Variants in NRXN3 observed in about 807,000 individuals in gnomAD.
NRXN3 encodes the protein neurexin III.
NRXN3 carries 32 observed loss-of-function variants against 137.6 expected under a neutral mutation model. The ratio of observed to expected loss-of-function variants is 0.23; its 90% confidence interval spans 0.18 to 0.31. The LOEUF (loss-of-function observed/expected upper bound fraction) is 0.31. Ranked by LOEUF, NRXN3 falls within the 10% of genes least tolerant of loss-of-function variation. NRXN3 has a pLI of 1.00. For missense variants in NRXN3, 1,574 were observed against 2,062.5 expected, an observed-to-expected ratio of 0.76 and a Z score of 4.59; for synonymous variants, 798 against 784.5, an observed-to-expected ratio of 1.02 and a Z score of -0.29.
intron 4 of NRXN3, among the ~76,000 whole-genome samples, chr14:78,409,407 A>G (rs1279314177): frequency 7.9e-5 from 12 of 152,234 alleles, no homozygotes; most frequent in Non-Finnish European, 1.5e-4. Context: ...GAGAGCAGAG[A>G]GAAAAGAGGC....
chr14:79,249,579 G>A (rs377232557), intron 15 of NRXN3, among the ~76,000 whole-genome samples: 186 of 152,288 alleles, frequency 1.2e-3, no homozygotes, highest in African/African-American at 4.4e-3. Flanking sequence ...AGGCAACTCG[G>A]TTATCACTTT....
At chr14:78,591,859 T>C (rs2097120694) in intron 4 of NRXN3, among the ~76,000 whole-genome samples, 1 of 152,182 alleles carries the variant, frequency 6.6e-6, no homozygotes, top group African/African-American at 2.4e-5. Context: ...GGTTCAGAAA[T>C]AGCTTCCCCT....
At chr14:78,266,973 G>A (rs2071855872) in intron 2 of NRXN3, among the ~76,000 whole-genome samples, 1 of 152,108 alleles carries the variant, frequency 6.6e-6, no homozygotes, top group Admixed American at 6.5e-5. Flanking sequence ...TCCATTGGGA[G>A]GCATTCAGTT....
chr14:79,270,863 A>G (rs1296080824), intron 15 of NRXN3, among the ~76,000 whole-genome samples: 1 of 152,198 alleles, frequency 6.6e-6, no homozygotes, highest in African/African-American at 2.4e-5. Context: ...TCACCTCGTC[A>G]TCAGTTTTAG....
intron 4 of NRXN3, among the ~76,000 whole-genome samples, chr14:78,455,884 C>T (rs2094686013): frequency 6.6e-6 from 1 of 152,186 alleles, no homozygotes; most frequent in Non-Finnish European, 1.5e-5. Context: ...AAATTCCAGA[C>T]TTTGCTCTCT....
intron 7 of NRXN3, 75 bp from the exon 8 acceptor site, chr14:78,714,681 G>A: frequency 3.9e-6 from 6 of 1,529,610 alleles, no homozygotes; most frequent in Non-Finnish European, 4.5e-6. Flanking sequence ...GCTGGGCTCA[G>A]CACTCACCTG....
chr14:79,303,545 A>C (rs2085499938), intron 15 of NRXN3, among the ~76,000 whole-genome samples: 1 of 152,022 alleles, frequency 6.6e-6, no homozygotes, highest in African/African-American at 2.4e-5. Flanking sequence ...GAAATAATTT[A>C]CTATTTTTTA....
chr14:78,870,457 T>C (rs551636136), intron 10 of NRXN3, among the ~76,000 whole-genome samples: 2 of 152,326 alleles, frequency 1.3e-5, no homozygotes, highest in Non-Finnish European at 2.9e-5. Context: ...AAACCTGCCA[T>C]GTGTAATGAT....
chr14:79,371,647 C>A (rs1420158499), intron 15 of NRXN3, among the ~76,000 whole-genome samples: 1 of 152,006 alleles, frequency 6.6e-6, no homozygotes, highest in Non-Finnish European at 1.5e-5. Flanking sequence ...TAAAACAGGG[C>A]CCTCACTTCA....
intron 16 of NRXN3, among the ~76,000 whole-genome samples, chr14:79,647,658 A>G (rs947489888): frequency 2.2e-5 from 3 of 135,598 alleles, no homozygotes; most frequent in Admixed American, 7.9e-5. Context: ...GAGCCGACCC[A>G]TCTCTCTGAA....
At chr14:79,059,258 T>TTTTTTCTTTTC (rs1568145700) in intron 15 of NRXN3, among the ~76,000 whole-genome samples, 3 of 34,610 alleles carry the variant, frequency 8.7e-5, no homozygotes, top group African/African-American at 1.5e-4. Context: ...TTCTTTTTTT[T>TTTTTTCTTTTC]TTTTTTTTTT....
chr14:79,099,038 G>C (rs561113504), intron 15 of NRXN3, among the ~76,000 whole-genome samples: 1 of 152,202 alleles, frequency 6.6e-6, no homozygotes, highest in East Asian at 1.9e-4. Context: ...GCATGTCCTG[G>C]GGCTGACCCA....
intron 19 of NRXN3, among the ~76,000 whole-genome samples, chr14:79,724,675 C>T (rs1044652709): frequency 5.3e-5 from 8 of 152,086 alleles, no homozygotes; most frequent in Non-Finnish European, 7.4e-5. Context: ...ATTTTCCAAG[C>T]ATTTTGGAGA....
intron 8 of NRXN3, among the ~76,000 whole-genome samples, chr14:78,784,992 T>C (rs1489184746): frequency 6.6e-6 from 1 of 152,170 alleles, no homozygotes; most frequent in African/African-American, 2.4e-5. Context: ...TCAGATCATA[T>C]GCGATTTAGA....
At chr14:79,517,837 G>A (rs1359830839) in intron 16 of NRXN3, among the ~76,000 whole-genome samples, 1 of 145,752 alleles carries the variant, frequency 6.9e-6, no homozygotes, top group Non-Finnish European at 1.5e-5. Context: ...ATAGATTTCA[G>A]AATCTAAAAG....
chr14:79,303,639 G>A (rs1014396387), intron 15 of NRXN3, among the ~76,000 whole-genome samples: 2 of 151,950 alleles, frequency 1.3e-5, no homozygotes, highest in African/African-American at 4.8e-5. Context: ...TGTTGGGGGT[G>A]GGGGGCTAAA....
chr14:79,290,026 C>T (rs931358389), intron 15 of NRXN3, among the ~76,000 whole-genome samples: 2 of 152,048 alleles, frequency 1.3e-5, no homozygotes, highest in African/African-American at 4.8e-5. Flanking sequence ...TCCTCTCACC[C>T]CCCCACGTTA....
At chr14:78,993,834 A>ATTTTTTTTTTTT (rs58170856) in intron 15 of NRXN3, among the ~76,000 whole-genome samples, 3 of 66,928 alleles carry the variant, frequency 4.5e-5, no homozygotes, top group Non-Finnish European at 9.4e-5. Flanking sequence ...GAGCCTTGAA[A>ATTTTTTTTTTTT]TTTTTTTTTT....
chr14:79,802,167 TG>T (rs1429273104), intron 19 of NRXN3, among the ~76,000 whole-genome samples: 1 of 152,252 alleles, frequency 6.6e-6, no homozygotes, highest in Non-Finnish European at 1.5e-5. Context: ...AGTTATGCAT[TG>T]TTTTTTAAAC....
Sources: allele counts gnomAD v4.1 joint callset (sites outside exome capture counted in the v4.1 genomes callset), GRCh38; gene constraint gnomAD v4.1.1; transcripts MANE v1.5; gene names NCBI Gene and HGNC (gene_info 2026-07-23, HGNC 2026-07-21).